Variants in PHLPP2 observed in about 807,000 individuals in gnomAD.
PHLPP2 encodes PH domain leucine-rich repeat-containing protein phosphatase 2.
A neutral mutation model predicts 124.9 loss-of-function variants in PHLPP2; 66 were observed. The ratio of observed to expected loss-of-function variants is 0.53; its 90% CI spans 0.43 to 0.65. The LOEUF (loss-of-function observed/expected upper bound fraction) is 0.65. Ranked by LOEUF, PHLPP2 falls within the 30% of genes least tolerant of loss-of-function variation. The pLI is 0.00. For missense variants in PHLPP2, 1,685 were observed against 1,600.4 expected (o/e 1.05, Z -0.90); for synonymous variants, 681 against 624.7 (o/e 1.09, Z -1.34).
At chr16:71,721,606 C>A (rs544971430) in intron 1 of PHLPP2, among the ~76,000 whole-genome samples, 3 of 151,586 alleles carry the variant, frequency 2.0e-5, no homozygotes, top group African/African-American at 4.9e-5. Context: ...AAAAAAAAAT[C>A]TTTTTAAATT....
At chr16:71,687,517 G>A (rs772627050) in intron 4 of PHLPP2, among the ~76,000 whole-genome samples, 14 of 152,050 alleles carry the variant, frequency 9.2e-5, no homozygotes, top group Non-Finnish European at 2.1e-4. Flanking sequence ...TATGATTACT[G>A]ATATATTCGG....
At chr16:71,697,181 A>C (rs1457273460) in intron 3 of PHLPP2, among the ~76,000 whole-genome samples, 1 of 38,764 alleles carries the variant, frequency 2.6e-5, no homozygotes, top group East Asian at 8.5e-3. Flanking sequence ...TCAATAAATA[A>C]ATAAATAAAT....
At chr16:71,670,790 A>T (rs766334283) in intron 10 of PHLPP2, among the ~76,000 whole-genome samples, 10 of 151,880 alleles carry the variant, frequency 6.6e-5, no homozygotes, top group Non-Finnish European at 1.2e-4. Flanking sequence ...GGTCCAGGGC[A>T]GTGGGAGTGG....
intron 10 of PHLPP2, among the ~76,000 whole-genome samples, chr16:71,671,589 A>G (rs1331223219): frequency 1.3e-5 from 2 of 152,150 alleles, no homozygotes; most frequent in African/African-American, 4.8e-5. Flanking sequence ...CATGAGTTAT[A>G]GGAGTACAAA....
intron 1 of PHLPP2, among the ~76,000 whole-genome samples, chr16:71,719,947 A>G (rs1010306004): frequency 3.0e-5 from 4 of 132,008 alleles, no homozygotes; most frequent in Non-Finnish European, 6.3e-5. Flanking sequence ...ACAGGTGCAC[A>G]ACACCATGCC....
rs776560065 is a variant in PHLPP2, at chr16:71,658,802, A to C, written c.1999T>G (p.Leu667Val). 6.2e-7 allele frequency: 1 copy of C among 1,614,042 alleles called. No individual in the cohort carries two copies. The highest frequency in any genetic ancestry group is 2.2e-5 in the East Asian group (1 of 44,882). The change falls in exon 14 of 19, where the codon TTG (leucine) becomes GTG (valine). Residue 667 changes from leucine to valine, a missense_variant. Physicochemically the swap from Leu to Val is conservative, Grantham distance 32. Transcript: ENST00000568954. ...QTFPASKLNK[L>V]EQLEELNLSG... ...AGGTTCAGTTCCTCCAATTGCTCCA[A>C]TTTATTTAGTTTGCTGAAAAAGAAA...
intron 3 of PHLPP2, among the ~76,000 whole-genome samples, chr16:71,694,346 A>G (rs1178942588): frequency 4.6e-5 from 7 of 152,136 alleles, no homozygotes; most frequent in Non-Finnish European, 8.8e-5. Context: ...CTGTAATCCC[A>G]GCTACTCAGG....
At chr16:71,698,785 T>C (rs1212043946) in intron 3 of PHLPP2, 5 of 244,636 alleles carry the variant, frequency 2.0e-5, no homozygotes, top group Non-Finnish European at 4.1e-5. Context: ...TCCACAGCTT[T>C]TATATCATGA....
intron 2 of PHLPP2, among the ~76,000 whole-genome samples, chr16:71,710,178 C>T (rs1331081770): frequency 2.0e-5 from 3 of 152,082 alleles, no homozygotes; most frequent in Non-Finnish European, 4.4e-5. Flanking sequence ...CTCTCTGGAC[C>T]TTGCCACCTA....
intron 1 of PHLPP2, chr16:71,723,882 TC>T: frequency 9.3e-7 from 1 of 1,080,664 alleles, no homozygotes; most frequent in Non-Finnish European, 1.2e-6. Flanking sequence ...GACCCAGGAT[TC>T]ACAGAGACGC....
In PHLPP2 at chr16:71,658,557, C is replaced by T. The variant is rs997083658; in HGVS notation, c.2148+96G>A. The T allele has an allele frequency of 3.7e-6, 5 of 1,345,802 alleles. No homozygotes were observed. In the Admixed American group the frequency reaches 8.6e-5, roughly 23 times the overall value. 83.4% of individuals were successfully genotyped at this position (1,345,802 alleles called of 1,614,324 possible). ...TTTTCCTTATAAGAATAATCTCATTCACACTCCTTTCTTCTTCTTTATAAA... is the reference window on the plus strand; with the variant it reads ...TTTTCCTTATAAGAATAATCTCATTTACACTCCTTTCTTCTTCTTTATAAA... On this transcript the variant is annotated intron_variant, in intron 14 of 18. Transcript: ENST00000568954.
At chr16:71,696,664 AT>A (rs1475846248) in intron 3 of PHLPP2, among the ~76,000 whole-genome samples, 1 of 151,808 alleles carries the variant, frequency 6.6e-6, no homozygotes, top group Admixed American at 6.6e-5. Context: ...AAAAAAAAAA[AT>A]TCTACTTGTA....
chr16:71,717,094 A>G (rs899565885), intron 1 of PHLPP2, among the ~76,000 whole-genome samples: 15 of 152,136 alleles, frequency 9.9e-5, no homozygotes, highest in South Asian at 2.1e-4. Context: ...CTTGGGGGGG[A>G]AAATTCCCAT....
rs148248466 is a variant in PHLPP2, at chr16:71,660,188, T to C, written c.1986-1373A>G. On this transcript the variant is annotated intron_variant, in intron 13 of 18. Transcript: ENST00000568954. ...TAGTATTCTCGTCTTTCTTAAGGCA[T>C]GAAACTACACTTTTCAAATTAAAAA... Among the ~76,000 whole-genome samples the C allele has an allele frequency of 4.1e-3, 628 of 151,934 alleles. 8 individuals carry two copies. Among genetic ancestry groups the C allele is most frequent in the African/African-American group, 0.014 (573 of 41,460 alleles).
intron 12 of PHLPP2, among the ~76,000 whole-genome samples, chr16:71,665,345 T>C (rs2044829621): frequency 6.6e-6 from 1 of 152,210 alleles, no homozygotes; most frequent in South Asian, 2.1e-4. Context: ...AGAAGACTAT[T>C]AAGAATGCCA....
intron 4 of PHLPP2, among the ~76,000 whole-genome samples, chr16:71,690,309 G>A (rs1316851291): frequency 6.6e-6 from 1 of 152,196 alleles, no homozygotes; most frequent in Non-Finnish European, 1.5e-5. Context: ...GCCTAGCAGT[G>A]GAGGTGGGGA....
intron 3 of PHLPP2, among the ~76,000 whole-genome samples, chr16:71,696,020 G>A (rs554789268): frequency 1.3e-5 from 2 of 152,078 alleles, no homozygotes; most frequent in Non-Finnish European, 2.9e-5. Flanking sequence ...CACTTGTGTA[G>A]TTAAACACCC....
chr16:71,683,671 A>G (rs1404399476), intron 5 of PHLPP2, among the ~76,000 whole-genome samples: 1 of 152,112 alleles, frequency 6.6e-6, no homozygotes, highest in Non-Finnish European at 1.5e-5. Context: ...TGCACATATA[A>G]ATAAGTTAAA....
chr16:71,665,816 C>G (rs2044834620), intron 12 of PHLPP2, among the ~76,000 whole-genome samples: 1 of 152,190 alleles, frequency 6.6e-6, no homozygotes, highest in African/African-American at 2.4e-5. Context: ...ACAACTGCAT[C>G]AATACTCCAT....
Sources: gnomAD v4.1 joint callset for allele counts (sites outside exome capture counted in the v4.1 genomes callset) on GRCh38, gnomAD v4.1.1 for gene constraint, MANE v1.5 for transcripts, NCBI Gene and HGNC (gene_info 2026-07-23, HGNC 2026-07-21) for gene names.